The following CAP1 variants were observed in gnomAD, a reference collection of about 807,000 sequenced individuals.
CAP1 encodes the protein cyclase associated actin cytoskeleton regulatory protein 1.
Under a neutral mutation model 58.2 loss-of-function variants are expected in CAP1, and 11 were observed. The ratio of observed to expected loss-of-function variants is 0.19; its 90% confidence interval spans 0.12 to 0.31. The LOEUF (loss-of-function observed/expected upper bound fraction) is 0.31. CAP1 is among the 10% of genes least tolerant of loss of function. CAP1 has a pLI of 1.00. For missense variants in CAP1, 423 were observed against 587.5 expected (o/e 0.72, Z 2.89); for synonymous variants, 183 against 213.8 (o/e 0.86, Z 1.26).
At position 40,061,768 on chromosome 1, in the gene CAP1, C is replaced by A. The variant is rs767873454; in HGVS notation, c.250C>A (p.Arg84=). The A allele has an allele frequency of 3.7e-6, 6 of 1,614,078 alleles. No homozygotes were observed. The highest frequency in any genetic ancestry group is 5.1e-6 in the Non-Finnish European group (6 of 1,179,960). ...EMVHTGLKLE[R]ALLVTASQCQ... ...GGTCCACACAGGTTTGAAGTTGGAGCGAGCTCTGTTGGTTACAGCTTCTCA... is the reference window on the plus strand; with the variant it reads ...GGTCCACACAGGTTTGAAGTTGGAGAGAGCTCTGTTGGTTACAGCTTCTCA... The change falls in exon 4 of 13, where the codon CGA becomes AGA. Residue 84 remains arginine, a synonymous_variant. Transcript: ENST00000372805.
intron 8 of CAP1, among the ~76,000 whole-genome samples, chr1:40,068,478 A>T (rs1647219891): frequency 1.3e-5 from 2 of 150,962 alleles, no homozygotes; most frequent in Non-Finnish European, 2.9e-5. Context: ...GGGTTTCTCC[A>T]TGTTGGTCAG....
chr1:40,064,826 T>G (rs1647005795), intron 6 of CAP1, among the ~76,000 whole-genome samples: 1 of 152,176 alleles, frequency 6.6e-6, no homozygotes, highest in Non-Finnish European at 1.5e-5. Context: ...CTCCCCAAAG[T>G]GCTGGGATTA....
chr1:40,060,659 T>C (rs1015797405), intron 3 of CAP1, among the ~76,000 whole-genome samples: 13 of 151,504 alleles, frequency 8.6e-5, no homozygotes, highest in African/African-American at 3.2e-4. Flanking sequence ...TCCTACGTCA[T>C]CACCACCACC....
chr1:40,042,987 A>G (rs889812281), intron 1 of CAP1, among the ~76,000 whole-genome samples: 5 of 152,146 alleles, frequency 3.3e-5, no homozygotes, highest in Non-Finnish European at 7.4e-5. Context: ...GACATGGGAA[A>G]AAATGCATTT....
chr1:40,059,436 G>A lies in CAP1; in HGVS notation c.90G>A (p.Gly30=). ...AVSHTSDMHR[G]YADSPSKAGA... is the part of the protein sequence containing the mutation. ...CTCATACCTCTGACATGCACCGTGG[G>A]TATGCAGACAGTCCTTCAAAAGGTA... The change falls in exon 2 of 13, where the codon GGG becomes GGA. Residue 30 remains glycine (G), a synonymous_variant. Transcript: ENST00000372805. 6.2e-7 allele frequency: 1 copy of A among 1,608,906 alleles called. No individual in the cohort carries two copies. Among genetic ancestry groups the A allele is most frequent in the Non-Finnish European group, 8.5e-7 (1 of 1,175,302 alleles).
chr1:40,057,619 C>T (rs1646674114), intron 1 of CAP1: 1 of 152,046 alleles, frequency 6.6e-6, no homozygotes, highest in African/African-American at 2.4e-5. Context: ...ACTATATTGT[C>T]TTCCTTACTT....
At chr1:40,069,896 A>G (rs529899984) in intron 9 of CAP1, 22 bp downstream of exon 9, 1 of 1,521,294 alleles carries the variant, frequency 6.6e-7, no homozygotes, top group East Asian at 2.3e-5. Context: ...ATACCTAGAC[A>G]GGGGCAGGTA....
chr1:40,043,494 C>T (rs3131685), intron 1 of CAP1, among the ~76,000 whole-genome samples: 82,369 of 151,934 alleles, frequency 0.54, 24,195 homozygotes, highest in Non-Finnish European at 0.67. Flanking sequence ...CCGCACCCGG[C>T]GTGAAGGGCT....
chr1:40,054,935 C>T (rs61781906), intron 1 of CAP1, among the ~76,000 whole-genome samples: 17,561 of 152,160 alleles, frequency 0.12, 1,135 homozygotes, highest in East Asian at 0.23. Context: ...GGATTACAGG[C>T]GTGAGCCACC....
intron 1 of CAP1, among the ~76,000 whole-genome samples, chr1:40,052,223 G>A (rs547445173): frequency 1.3e-5 from 2 of 152,206 alleles, no homozygotes; most frequent in African/African-American, 2.4e-5. Context: ...GTGATTACTC[G>A]TATCTATGAA....
chr1:40,066,971 A>G (rs1647114333), intron 7 of CAP1, among the ~76,000 whole-genome samples: 1 of 152,238 alleles, frequency 6.6e-6, no homozygotes, highest in Non-Finnish European at 1.5e-5. Flanking sequence ...TTTGTCTTTA[A>G]AAGAGTCTCA....
intron 1 of CAP1, chr1:40,041,297 T>C (rs1245687797): frequency 6.6e-6 from 1 of 152,206 alleles, no homozygotes; most frequent in East Asian, 1.9e-4. Flanking sequence ...CGGTCGGTGT[T>C]GCCCCGCAGG....
At chr1:40,064,416 G>C in intron 5 of CAP1, 46 bp downstream of exon 5, 1 of 1,613,678 alleles carries the variant, frequency 6.2e-7, no homozygotes, top group Non-Finnish European at 8.5e-7. Context: ...TAGATTTTAA[G>C]AGGGAAGGCA....
chr1:40,052,995 C>A (rs190767199), intron 1 of CAP1, among the ~76,000 whole-genome samples: 1 of 152,030 alleles, frequency 6.6e-6, no homozygotes, highest in African/African-American at 2.4e-5. Context: ...GAGGCCAAGG[C>A]GGGCGGATCA....
intron 12 of CAP1, 77 bp downstream of exon 12, chr1:40,071,056 T>C: frequency 7.3e-7 from 1 of 1,373,700 alleles, no homozygotes; most frequent in Non-Finnish European, 1.0e-6. Flanking sequence ...GAAAGCTATT[T>C]TATGAACATT....
rs1647831599 is a variant in CAP1, at chr1:40,070,956, A to G, written c.1321A>G (p.Ile441Val). 1 of 1,613,198 alleles carries G rather than the reference A, an allele frequency of 6.2e-7. No homozygotes were observed. The highest frequency in any genetic ancestry group is 1.7e-5 in the Admixed American group (1 of 59,666). ...CAAATCTTCCGAGATGAATGTCCTC[A>G]TTCCTACAGAAGGCGGTGACTTTGT... is the stretch of plus-strand genomic sequence containing the variant. Reference protein sequence around the residue: ...SAKSSEMNVLIPTEGGDFNEF... With the variant: ...SAKSSEMNVLVPTEGGDFNEF... Residue 441 changes from isoleucine to valine, a missense_variant, in exon 12 of 13, where the codon ATT (isoleucine) becomes GTT (valine). Physicochemically the swap from Ile to Val is conservative, Grantham distance 29. Transcript: ENST00000372805.
At chr1:40,060,286 A>G in intron 3 of CAP1, 116 bp downstream of exon 3, 1 of 666,006 alleles carries the variant, frequency 1.5e-6, no homozygotes, top group Non-Finnish European at 2.6e-6. Context: ...GGTTTGGGGC[A>G]TTACACATGT....
chr1:40,049,567 C>CT (rs1646264294), intron 1 of CAP1, among the ~76,000 whole-genome samples: 1 of 152,036 alleles, frequency 6.6e-6, no homozygotes, highest in Non-Finnish European at 1.5e-5. Context: ...CTCATAGTTT[C>CT]TTTTTACTCT....
At chr1:40,061,303 A>G (rs1036215412) in intron 3 of CAP1, among the ~76,000 whole-genome samples, 5 of 152,230 alleles carry the variant, frequency 3.3e-5, no homozygotes, top group Admixed American at 2.6e-4. Flanking sequence ...TTTAATCTAA[A>G]GGAGTAAATA....
Sources: gnomAD v4.1 joint callset for allele counts (sites outside exome capture counted in the v4.1 genomes callset) on GRCh38, gnomAD v4.1.1 for gene constraint, MANE v1.5 for transcripts, NCBI Gene and HGNC (gene_info 2026-07-23, HGNC 2026-07-21) for gene names.